Variants in SYCP1 observed in about 807,000 individuals in gnomAD.
SYCP1 encodes the protein synaptonemal complex protein 1, also known as cancer/testis antigen 8.
In SYCP1, 64 loss-of-function variants were observed where a neutral mutation model predicts 153.1. The ratio of observed to expected loss-of-function variants is 0.42; its 90% CI spans 0.34 to 0.51. The LOEUF (loss-of-function observed/expected upper bound fraction) is 0.51, where lower values mean the gene tolerates loss of function less well. Among genes scored for constraint, SYCP1 ranks in the 20% least tolerant of loss-of-function variants. The probability of loss-of-function intolerance (pLI) is 0.06; values close to 1 mark genes in which losing one functional copy is unlikely to be tolerated. For missense variants in SYCP1, 997 were observed against 1,049.0 expected (o/e 0.95, Z 0.68); for synonymous variants, 384 against 341.8 (o/e 1.12, Z -1.36).
intron 23 of SYCP1, among the ~76,000 whole-genome samples, chr1:114,944,003 G>A (rs1670538428): frequency 6.6e-6 from 1 of 151,772 alleles, no homozygotes; most frequent in African/African-American, 2.4e-5. Flanking sequence ...TGAATCACAT[G>A]AGTTTTCTGT....
chr1:114,874,983 G>A (rs1665408392), intron 9 of SYCP1, among the ~76,000 whole-genome samples: 1 of 152,030 alleles, frequency 6.6e-6, no homozygotes, highest in Admixed American at 6.6e-5. Flanking sequence ...TTCTGATGGT[G>A]GTTCTTTGAA....
chr1:114,866,410 T>A (rs1318852980), intron 8 of SYCP1, among the ~76,000 whole-genome samples: 2 of 152,212 alleles, frequency 1.3e-5, no homozygotes, highest in African/African-American at 4.8e-5. Flanking sequence ...TTTGTTGTTC[T>A]AAATTGCATT....
In SYCP1 at chr1:114,947,305, A is replaced by G; in HGVS notation, c.2307A>G (p.Ile769Met). The change falls in exon 27 of 32, where the codon ATA (isoleucine) becomes ATG (methionine). Residue 769 changes from isoleucine (I) to methionine (M), a missense_variant. This residue lies in a region of SYCP1 where 712 missense variants were observed against 682.9 expected (regional missense o/e 1.04). Transcript: ENST00000369522. ...ELLSVKKQLE[I>M]EREEKEKLKR... Reference sequence around the variant, plus strand: ...TGTCTGTTAAGAAGCAACTTGAAATAGAAAGAGAAGAGAAGGTAGGTTTTT... The same window carrying G: ...TGTCTGTTAAGAAGCAACTTGAAATGGAAAGAGAAGAGAAGGTAGGTTTTT... 6.2e-7 allele frequency: 1 copy of G among 1,612,982 alleles called. No homozygotes were observed. The highest frequency in any genetic ancestry group is 8.5e-7 in the Non-Finnish European group (1 of 1,179,468).
chr1:114,981,202 A>G (rs1673130741), intron 28 of SYCP1, 134 bp from the exon 29 acceptor site: 4 of 623,954 alleles, frequency 6.4e-6, no homozygotes, highest in Middle Eastern at 8.8e-4. Context: ...AAACTTATCT[A>G]GTCAGTGATA....
intron 27 of SYCP1, among the ~76,000 whole-genome samples, chr1:114,971,283 C>A (rs571582314): frequency 6.6e-6 from 1 of 151,992 alleles, no homozygotes; most frequent in East Asian, 1.9e-4. Flanking sequence ...TTGCTGCTGC[C>A]ACTGTGAGGG....
At chr1:114,887,866 T>A (rs368044075) in intron 15 of SYCP1, among the ~76,000 whole-genome samples, 173 bp downstream of exon 15, 2 of 151,946 alleles carry the variant, frequency 1.3e-5, no homozygotes, top group Non-Finnish European at 2.9e-5. Flanking sequence ...TAAGAAAGAG[T>A]GTTTTATTCA....
intron 8 of SYCP1, among the ~76,000 whole-genome samples, chr1:114,864,916 G>T (rs1338141661): frequency 1.3e-5 from 2 of 151,938 alleles, no homozygotes; most frequent in African/African-American, 2.4e-5. Flanking sequence ...ACAATGTGCA[G>T]GTTAGTTACA....
intron 8 of SYCP1, among the ~76,000 whole-genome samples, chr1:114,863,896 C>G (rs1389111890): frequency 1.3e-5 from 2 of 150,950 alleles, no homozygotes; most frequent in African/African-American, 4.9e-5. Context: ...ACCAAATGTT[C>G]TCACTCATAA....
chr1:114,949,453 A>G (rs538902080), intron 27 of SYCP1, among the ~76,000 whole-genome samples: 1 of 152,286 alleles, frequency 6.6e-6, no homozygotes, highest in African/African-American at 2.4e-5. Flanking sequence ...CTTCAAGGAG[A>G]TAAACAATTA....
chr1:114,857,002 C>T (rs571009302), intron 3 of SYCP1, among the ~76,000 whole-genome samples: 3 of 147,956 alleles, frequency 2.0e-5, no homozygotes, highest in African/African-American at 7.4e-5. Context: ...CATGCGCCTG[C>T]AGTCCCAGCT....
At chr1:114,923,877 A>T (rs1669076110) in intron 21 of SYCP1, among the ~76,000 whole-genome samples, 1 of 152,180 alleles carries the variant, frequency 6.6e-6, no homozygotes, top group Non-Finnish European at 1.5e-5. Flanking sequence ...GGTGAATATG[A>T]TATCAAATTA....
intron 23 of SYCP1, among the ~76,000 whole-genome samples, chr1:114,932,631 T>A (rs1669709457): frequency 6.6e-6 from 1 of 152,078 alleles, no homozygotes; most frequent in Admixed American, 6.5e-5. Context: ...GCACAAGGGG[T>A]TGGGGAATTC....
chr1:114,869,776 C>T (rs534070069), intron 8 of SYCP1, among the ~76,000 whole-genome samples: 5 of 152,178 alleles, frequency 3.3e-5, no homozygotes, highest in African/African-American at 9.6e-5. Context: ...GTCCTGGTCC[C>T]AAACATTTTG....
intron 20 of SYCP1, 46 bp from the exon 21 acceptor site, chr1:114,923,403 G>T: frequency 6.7e-7 from 1 of 1,501,036 alleles, no homozygotes; most frequent in Admixed American, 2.2e-5. Context: ...ATCTTCTATA[G>T]GCCTAATAAT....
At chr1:114,991,420 G>A (rs1033518274) in intron 30 of SYCP1, among the ~76,000 whole-genome samples, 16 of 151,892 alleles carry the variant, frequency 1.1e-4, no homozygotes, top group East Asian at 3.9e-4. Flanking sequence ...GAATATTGGC[G>A]AATCAAATTC....
At chr1:114,972,182 G>T (rs1031242264) in intron 27 of SYCP1, among the ~76,000 whole-genome samples, 1 of 151,858 alleles carries the variant, frequency 6.6e-6, no homozygotes, top group Non-Finnish European at 1.5e-5. Flanking sequence ...TTATTTTTAG[G>T]TTTTAAAATT....
chr1:114,895,546 C>G (rs1345799642), intron 16 of SYCP1, 37 bp downstream of exon 16: 7 of 1,143,596 alleles, frequency 6.1e-6, no homozygotes, highest in Non-Finnish European at 7.3e-6. Context: ...ATAGCAATTA[C>G]TTTTCAGAAG....
At chr1:114,977,436 T>G in intron 27 of SYCP1, 121 bp from the exon 28 acceptor site, 1 of 612,044 alleles carries the variant, frequency 1.6e-6, no homozygotes, top group Non-Finnish European at 2.7e-6. Flanking sequence ...TTTATTACTT[T>G]ATAAGATTGA....
At chr1:114,871,797 A>G (rs970917665) in intron 8 of SYCP1, among the ~76,000 whole-genome samples, 3 of 151,604 alleles carry the variant, frequency 2.0e-5, no homozygotes, top group African/African-American at 7.3e-5. Flanking sequence ...TGTTGGCCAG[A>G]CTGGTCTTGA....
Sources: allele counts gnomAD v4.1 joint callset (sites outside exome capture counted in the v4.1 genomes callset), GRCh38; gene constraint gnomAD v4.1.1; regional missense constraint gnomAD v4.1.1; transcripts MANE v1.5; gene names NCBI Gene and HGNC (gene_info 2026-07-23, HGNC 2026-07-21).